STX2: variants seen among roughly 807,000 people sequenced by gnomAD.
STX2 encodes the protein syntaxin-2.
Under a neutral mutation model 40.6 loss-of-function variants are expected in STX2, and 27 were observed. The observed-to-expected ratio is 0.66, with a 90% CI of 0.49 to 0.92. The LOEUF is 0.92. Ranked by LOEUF, STX2 falls within the 40% of genes least tolerant of loss-of-function variation. The pLI, the probability that STX2 is intolerant of heterozygous loss-of-function variation, is 0.00. For synonymous variants in STX2, 123 were observed against 119.1 expected (o/e 1.03, Z -0.22); for missense variants, 328 against 366.1 (o/e 0.90, Z 0.85).
At chr12:130,810,757 C>T (rs1287825940) in intron 4 of STX2, 1 of 152,246 alleles carries the variant, frequency 6.6e-6, no homozygotes, top group Non-Finnish European at 1.5e-5. Context: ...CCCTGGTCAT[C>T]TCTGGAGGAC....
chr12:130,806,935 A>T, intron 6 of STX2, 47 bp downstream of exon 6: 1 of 1,542,272 alleles, frequency 6.5e-7, no homozygotes, highest in Non-Finnish European at 9.0e-7. Flanking sequence ...TGAGACCTTA[A>T]GGGAGAAAAA....
intron 6 of STX2, among the ~76,000 whole-genome samples, chr12:130,804,334 C>T (rs1038430066): frequency 3.9e-5 from 6 of 152,184 alleles, no homozygotes; most frequent in African/African-American, 1.2e-4. Context: ...GCTGTGTGGC[C>T]AGAGTGACGC....
intron 9 of STX2, among the ~76,000 whole-genome samples, chr12:130,796,879 C>A (rs1032363130): frequency 6.6e-6 from 1 of 152,152 alleles, no homozygotes; most frequent in Non-Finnish European, 1.5e-5. Context: ...AAAAAAAAAC[C>A]CTTCTACAAA....
At chr12:130,814,627 C>CTTTTT (rs5801936) in intron 3 of STX2, among the ~76,000 whole-genome samples, 2 of 49,222 alleles carry the variant, frequency 4.1e-5, no homozygotes, top group Non-Finnish European at 3.5e-5. Flanking sequence ...ATTAGAAAGA[C>CTTTTT]TTTTTTTTTT....
intron 10 of STX2, among the ~76,000 whole-genome samples, chr12:130,795,101 T>C (rs921176728): frequency 3.9e-5 from 6 of 152,220 alleles, no homozygotes; most frequent in African/African-American, 1.2e-4. Flanking sequence ...ACTGATACCT[T>C]TTATATTCAG....
intron 10 of STX2, among the ~76,000 whole-genome samples, chr12:130,792,305 C>A (rs1950900637): frequency 6.6e-6 from 1 of 152,152 alleles, no homozygotes; most frequent in African/African-American, 2.4e-5. Flanking sequence ...GTGATCCACC[C>A]GCCTCAGCCT....
chr12:130,824,901 C>T (rs541819816), intron 2 of STX2, among the ~76,000 whole-genome samples: 55 of 152,190 alleles, frequency 3.6e-4, no homozygotes, highest in Non-Finnish European at 5.1e-4. Context: ...AGGCAAGCAC[C>T]GGGCAAGCCT....
intron 1 of STX2, among the ~76,000 whole-genome samples, chr12:130,827,495 AG>A (rs1358180701): frequency 1.3e-5 from 2 of 152,226 alleles, no homozygotes; most frequent in Non-Finnish European, 2.9e-5. Flanking sequence ...GAGAGAAACA[AG>A]GGGTGGCTTT....
At chr12:130,814,742 T>A (rs1163924556) in intron 3 of STX2, among the ~76,000 whole-genome samples, 1 of 151,520 alleles carries the variant, frequency 6.6e-6, no homozygotes, top group Non-Finnish European at 1.5e-5. Context: ...GTTCAAGCGA[T>A]TCTCCTGCCT....
intron 1 of STX2, 42 bp downstream of exon 1, chr12:130,839,028 G>A: frequency 2.5e-6 from 2 of 804,876 alleles, no homozygotes; most frequent in South Asian, 2.8e-5. Context: ...TCCAGACGCC[G>A]CCCCGGCCGG....
chr12:130,802,522 C>T (rs1184222029), intron 6 of STX2, among the ~76,000 whole-genome samples: 4 of 151,670 alleles, frequency 2.6e-5, no homozygotes, highest in African/African-American at 4.8e-5. Flanking sequence ...AACAAAGATA[C>T]GGTCTCACTC....
rs73459534 is a variant in STX2 at position 130,833,951 on chromosome 12, G to A, written c.30+5119C>T. Among the ~76,000 whole-genome samples the A allele has an allele frequency of 4.4e-3, 669 of 152,330 alleles. 9 individuals carry two copies. The highest frequency in any genetic ancestry group is 0.016 in the African/African-American group (646 of 41,574). On this transcript the variant is annotated intron_variant, in intron 1 of 10. Transcript: ENST00000392373. ...AGTATGCATCTGTCCTGAAAAGGCT[G>A]AAGCACTGGGGGAAGGGTGCAGGAA... is the stretch of plus-strand genomic sequence containing the variant.
chr12:130,824,274 C>T (rs984434964), intron 2 of STX2, among the ~76,000 whole-genome samples: 3 of 107,570 alleles, frequency 2.8e-5, no homozygotes, highest in African/African-American at 7.9e-5. Flanking sequence ...GTAGCACCAG[C>T]TACTCAGGAG....
chr12:130,805,631 T>G (rs939240758), intron 6 of STX2, among the ~76,000 whole-genome samples: 4 of 152,054 alleles, frequency 2.6e-5, no homozygotes, highest in Non-Finnish European at 4.4e-5. Context: ...CTCAGAAGGG[T>G]CTTACCTCAG....
At chr12:130,834,282 T>C (rs1466650776) in intron 1 of STX2, among the ~76,000 whole-genome samples, 1 of 144,700 alleles carries the variant, frequency 6.9e-6, no homozygotes, top group East Asian at 2.0e-4. Context: ...CCTTGAACCC[T>C]AGAGGCGGAG....
chr12:130,820,644 T>C (rs1350666541), intron 3 of STX2, among the ~76,000 whole-genome samples: 2 of 152,022 alleles, frequency 1.3e-5, no homozygotes, highest in African/African-American at 4.8e-5. Flanking sequence ...CCAGCCTGTG[T>C]GACAGAGTGA....
intron 9 of STX2, chr12:130,798,290 C>T: frequency 3.0e-6 from 1 of 327,996 alleles, no homozygotes; most frequent in Non-Finnish European, 5.4e-6. Context: ...ACAGGCGTGC[C>T]ACCACACCCA....
At chr12:130,804,796 G>A (rs1207548573) in intron 6 of STX2, among the ~76,000 whole-genome samples, 4 of 151,454 alleles carry the variant, frequency 2.6e-5, no homozygotes, top group Admixed American at 6.6e-5. Flanking sequence ...CTCCCAACAC[G>A]TATATGATAC....
chr12:130,821,516 C>A (rs2136319390), intron 3 of STX2, among the ~76,000 whole-genome samples, 173 bp downstream of exon 3: 1 of 152,086 alleles, frequency 6.6e-6, no homozygotes, highest in East Asian at 1.9e-4. Flanking sequence ...AAAAAAAAAA[C>A]ATACAGATGC....
Sources: gnomAD v4.1 joint callset for allele counts (sites outside exome capture counted in the v4.1 genomes callset) on GRCh38, gnomAD v4.1.1 for gene constraint, MANE v1.5 for transcripts, NCBI Gene and HGNC (gene_info 2026-07-23, HGNC 2026-07-21) for gene names.